The following HNRNPH3 variants were observed in gnomAD, a reference collection of about 807,000 sequenced individuals.
The protein encoded by HNRNPH3 is heterogeneous nuclear ribonucleoprotein 2H9.
Under a neutral mutation model 47.0 loss-of-function variants are expected in HNRNPH3, and 7 were observed. The ratio of observed to expected loss-of-function variants is 0.15; its 90% CI spans 0.08 to 0.28. HNRNPH3 has a LOEUF of 0.28. HNRNPH3 is among the 10% of genes least tolerant of loss of function. The probability of loss-of-function intolerance (pLI) is 1.00; values close to 1 mark genes in which losing one functional copy is unlikely to be tolerated. For synonymous variants in HNRNPH3, 120 were observed against 143.2 expected (o/e 0.84, Z 1.16); for missense variants, 279 against 449.6 (o/e 0.62, Z 3.43).
chr10:68,341,616 T>C lies in HNRNPH3; in HGVS notation c.807T>C (p.Ser269=). ...QHRYIELFLN[S]TPGGGSGMGG... ...GATATATTGAACTCTTCTTGAATTC[T>C]ACTCCTGGAGGCGGCTCTGGCATGG... Residue 269 remains serine, a synonymous_variant, in exon 8 of 10, where the codon TCT becomes TCC. Coordinates refer to ENST00000265866, the MANE Select transcript of HNRNPH3 (RefSeq NM_012207.3). 6.2e-7 allele frequency: 1 copy of C among 1,613,310 alleles called. No homozygotes were observed. Among genetic ancestry groups the C allele is most frequent in the Non-Finnish European group, 8.5e-7 (1 of 1,179,336 alleles).
Position 68,339,483 on chromosome 10 carries a change from A to G in HNRNPH3, c.567A>G (p.Ser189=). The change falls in exon 6 of 10, where the codon TCA becomes TCG. Residue 189 remains serine, a synonymous_variant. Transcript: ENST00000265866. ...ATGGTGGAGCTGGTGATGCAAGTTC[A>G]GGTTTTCATGGTGGTCATTTCGTAC... ...HGYGGAGDAS[S]GFHGGHFVHM... 1.2e-6 allele frequency: 2 copies of G among 1,613,960 alleles called. No homozygotes were observed. The highest frequency in any genetic ancestry group is 1.7e-6 in the Non-Finnish European group (2 of 1,179,962).
intron 1 of HNRNPH3, among the ~76,000 whole-genome samples, chr10:68,334,301 G>A (rs1240014310): frequency 1.3e-5 from 2 of 152,198 alleles, no homozygotes; most frequent in Non-Finnish European, 2.9e-5. Flanking sequence ...CATTTAGAAA[G>A]TTATTTATTG....
rs1198176589 is a variant in HNRNPH3, at chr10:68,341,637, C to CATGGGAGGTTCTGGA, written c.837_851dup (p.Ser280_Gly284dup). On this transcript the variant is annotated inframe_insertion, in exon 8 of 10. Coordinates refer to ENST00000265866, the MANE Select transcript of HNRNPH3 (RefSeq NM_012207.3). ...ATTCTACTCCTGGAGGCGGCTCTGG[C>CATGGGAGGTTCTGGA]ATGGGAGGTTCTGGAATGGGAGGCT... The CATGGGAGGTTCTGGA allele has an allele frequency of 1.2e-6, 2 of 1,613,560 alleles. No individual in the cohort carries two copies. The highest frequency in any genetic ancestry group is 1.7e-5 in the Admixed American group (1 of 59,992).
intron 1 of HNRNPH3, among the ~76,000 whole-genome samples, chr10:68,333,779 A>G (rs2045363951): frequency 6.6e-6 from 1 of 152,216 alleles, no homozygotes; most frequent in Non-Finnish European, 1.5e-5. Context: ...ATTGTTACCT[A>G]CTTTTCCAGC....
intron 1 of HNRNPH3, among the ~76,000 whole-genome samples, chr10:68,336,367 G>C (rs1467849494): frequency 1.3e-5 from 2 of 152,052 alleles, no homozygotes. Flanking sequence ...TGGGAACTGA[G>C]GTTATTTTGG....
rs1564745042 is a variant in HNRNPH3, at chr10:68,332,108, G to C, written c.-132G>C. 6.6e-6 allele frequency: 1 copy of C among 152,340 alleles called. No homozygotes were observed. Among genetic ancestry groups the C allele is most frequent in the Non-Finnish European group, 1.5e-5 (1 of 68,110 alleles). The allele number at this position is 152,340 out of a possible 1,614,324, so 9.4% of individuals were successfully genotyped here. The stretch of plus-strand genomic sequence containing the variant: ...TCCCTAAGCGGTTGTCACCGCTGGA[G>C]ACGGTTGGGAGAACCGTTGTGGCGA... On this transcript the variant is annotated 5_prime_UTR_variant, in exon 1 of 10. Transcript: ENST00000265866.
At chr10:68,338,477 C>T (rs377047138) in intron 3 of HNRNPH3, 26 bp from the exon 4 acceptor site, 2 of 1,491,602 alleles carry the variant, frequency 1.3e-6, no homozygotes, top group Non-Finnish European at 1.8e-6. Flanking sequence ...ATGCTGAAAC[C>T]TGTACCTTAA....
chr10:68,338,101 T>G, intron 3 of HNRNPH3, 105 bp downstream of exon 3: 1 of 814,236 alleles, frequency 1.2e-6, no homozygotes, highest in Non-Finnish European at 1.9e-6. Context: ...TGGGGTAGTT[T>G]AAAAGAATTG....
Position 68,337,752 on chromosome 10 carries a change from T to TTTGTG in HNRNPH3, c.113-102_113-101insGTTGT. 9.6e-7 allele frequency: 1 copy of TTTGTG among 1,038,256 alleles called. No homozygotes were observed. The highest frequency in any genetic ancestry group is 1.4e-6 in the Non-Finnish European group (1 of 720,074). 64.3% of individuals were successfully genotyped at this position (1,038,256 alleles called of 1,614,324 possible). ...GTGATGGGAAACTAAGCTTTTTTGT[T>TTTGTG]TTGTTTTGTTTTGTTTAGACTTGTT... On this transcript the variant is annotated intron_variant, in intron 2 of 9. Coordinates refer to ENST00000265866, the MANE Select transcript of HNRNPH3 (RefSeq NM_012207.3). The surrounding 1 kb of genome is among the most constrained non-coding windows in gnomAD (Gnocchi z 4.5).
At chr10:68,339,105 G>A (rs2045686286) in intron 4 of HNRNPH3, 35 bp from the exon 5 acceptor site, 2 of 1,468,712 alleles carry the variant, frequency 1.4e-6, no homozygotes, top group South Asian at 2.4e-5. Flanking sequence ...TCTCTGGAAA[G>A]TGTGTAGTCA....
Position 68,337,885 on chromosome 10 carries a change from C to T in HNRNPH3, c.140C>T (p.Thr47Ile), listed in dbSNP as rs2045622640. The change falls in exon 3 of 10, where the codon ACA becomes ATA. Residue 47 changes from threonine to isoleucine, a missense_variant. Around this residue, in one of 2 missense-constraint regions of HNRNPH3, gnomAD observed 40 missense variants for 113.8 expected, o/e 0.35. Transcript: ENST00000265866. This position sits in a 1 kb window ranked among gnomAD's most constrained non-coding sequence, Gnocchi z 4.5. Reference protein sequence around the residue: ...QGLEIVPNGITLTMDYQGRST... With the variant: ...QGLEIVPNGIILTMDYQGRST... Reference sequence around the variant, plus strand: ...TTGGAAATCGTGCCAAATGGGATAACATTGACGATGGACTACCAGGGGAGA... The same window carrying T: ...TTGGAAATCGTGCCAAATGGGATAATATTGACGATGGACTACCAGGGGAGA... 1 of 1,613,284 alleles carries T rather than the reference C, an allele frequency of 6.2e-7. No homozygotes were observed. Among genetic ancestry groups the T allele is most frequent in the African/African-American group, 1.3e-5 (1 of 74,888 alleles).
At chr10:68,332,551 CT>C (rs2045220787) in intron 1 of HNRNPH3, among the ~76,000 whole-genome samples, 1 of 152,208 alleles carries the variant, frequency 6.6e-6, no homozygotes. Context: ...CTTCCCCGCT[CT>C]TTTTACTTTT....
Position 68,341,274 on chromosome 10 carries a change from C to G in HNRNPH3, c.740C>G (p.Ala247Gly). 1 of 1,604,776 alleles carries G rather than the reference C, an allele frequency of 6.2e-7. No homozygotes were observed. The highest frequency in any genetic ancestry group is 8.5e-7 in the Non-Finnish European group (1 of 1,177,704). ...ADVEFVTHED[A>G]VAAMSKDKNN... ...GTAGAGTTTGTGACACATGAAGATGCAGTAGCTGCCATGTCTAAAGATAAA... is the reference window on the plus strand; with the variant it reads ...GTAGAGTTTGTGACACATGAAGATGGAGTAGCTGCCATGTCTAAAGATAAA... The change falls in exon 7 of 10, where the codon GCA becomes GGA. Residue 247 changes from alanine to glycine, a missense_variant. Ala to Gly is a moderately conservative substitution (Grantham distance 60, BLOSUM62 0). This residue lies in a region of HNRNPH3 where 239 missense variants were observed against 335.8 expected (regional missense o/e 0.71). Coordinates refer to ENST00000265866, the MANE Select transcript of HNRNPH3 (RefSeq NM_012207.3).
chr10:68,341,413 A>T, intron 7 of HNRNPH3, 104 bp downstream of exon 7: 1 of 1,279,394 alleles, frequency 7.8e-7, no homozygotes, highest in East Asian at 2.3e-5. Flanking sequence ...TGGGATTTAA[A>T]ACCATTTGAC....
At chr10:68,333,217 A>G (rs2045309102) in intron 1 of HNRNPH3, among the ~76,000 whole-genome samples, 1 of 123,184 alleles carries the variant, frequency 8.1e-6, no homozygotes, top group Non-Finnish European at 1.6e-5. Context: ...GGAATGTGAA[A>G]TGGGCATGTT....
intron 1 of HNRNPH3, among the ~76,000 whole-genome samples, chr10:68,334,658 G>T (rs1564748675): frequency 6.6e-6 from 1 of 152,126 alleles, no homozygotes; most frequent in African/African-American, 2.4e-5. Context: ...TTTTGTGACT[G>T]GCTTGTTTCA....
chr10:68,337,053 G>T lies in HNRNPH3; in HGVS notation c.-23-146G>T. On this transcript the variant is annotated intron_variant, in intron 1 of 9. Transcript: ENST00000265866. This position sits in a 1 kb window ranked among gnomAD's most constrained non-coding sequence, Gnocchi z 4.5. ...TCCGTACCCCAAAATATGAAAGGTG[G>T]TCTACAATTTTGTTGTGGCATTGTC... 4.0e-6 allele frequency: 2 copies of T among 499,246 alleles called. No homozygotes were observed. Among genetic ancestry groups the T allele is most frequent in the Non-Finnish European group, 7.1e-6 (2 of 280,324 alleles). The allele number at this position is 499,246 out of a possible 1,614,324, so 30.9% of individuals were successfully genotyped here. A position where few individuals can be genotyped will look rare whatever the true frequency, so the allele number is the denominator to read the frequency against.
At position 68,337,678 on chromosome 10, in the gene HNRNPH3, T is replaced by A. The variant is rs968669735; in HGVS notation, c.113-180T>A. The A allele has an allele frequency of 2.3e-5, 13 of 573,050 alleles. No homozygotes were observed. Among genetic ancestry groups the A allele is most frequent in the Admixed American group, 1.7e-4 (5 of 29,674 alleles). 35.5% of individuals were successfully genotyped at this position (573,050 alleles called of 1,614,324 possible). A position where few individuals can be genotyped will look rare whatever the true frequency, so the allele number is the denominator to read the frequency against. On this transcript the variant is annotated intron_variant, in intron 2 of 9. Transcript: ENST00000265866. The surrounding 1 kb of genome is among the most constrained non-coding windows in gnomAD (Gnocchi z 4.5). The stretch of plus-strand genomic sequence containing the variant: ...GTGTTTTTACACTGGTCGCAAAAAA[T>A]TTATTTAATCCAGTAATATTTGAAA...
Position 68,337,106 on chromosome 10 carries a change from C to T in HNRNPH3, c.-23-93C>T, listed in dbSNP as rs961766174. On this transcript the variant is annotated intron_variant, in intron 1 of 9. Transcript: ENST00000265866. This position sits in a 1 kb window ranked among gnomAD's most constrained non-coding sequence, Gnocchi z 4.5. The stretch of plus-strand genomic sequence containing the variant: ...AGCAGTTGGCCCCATGTTACATTTC[C>T]TCTTGTGGCACCTCTGAGAGGTGTT... 5 of 584,470 alleles carry T rather than the reference C, an allele frequency of 8.6e-6. No homozygotes were observed. The highest frequency in any genetic ancestry group is 5.8e-5 in the African/African-American group (3 of 51,868). The allele number at this position is 584,470 out of a possible 1,614,324, so 36.2% of individuals were successfully genotyped here. A position where few individuals can be genotyped will look rare whatever the true frequency, so the allele number is the denominator to read the frequency against.
Sources: gnomAD v4.1 joint callset for allele counts (sites outside exome capture counted in the v4.1 genomes callset) on GRCh38, gnomAD v4.1.1 for gene constraint, gnomAD v4.1.1 regional missense constraint, Gnocchi (gnomAD v3.1) non-coding constraint, MANE v1.5 for transcripts, NCBI Gene and HGNC (gene_info 2026-07-23, HGNC 2026-07-21) for gene names.